The following CORO2B variants were observed in gnomAD, a reference collection of about 807,000 sequenced individuals.
CORO2B encodes the protein coronin 2B, also known as coronin-2B.
CORO2B carries 26 observed loss-of-function variants against 58.8 expected under a neutral mutation model. That is an observed-to-expected ratio of 0.44 (90% CI 0.32 to 0.61). The LOEUF (loss-of-function observed/expected upper bound fraction) is 0.61. Ranked by LOEUF, CORO2B falls within the 20% of genes least tolerant of loss-of-function variation. The pLI is 0.04. For synonymous variants in CORO2B, 242 were observed against 253.8 expected (o/e 0.95, Z 0.44); for missense variants, 460 against 645.1 (o/e 0.71, Z 3.11).
At chr15:68,568,692 AT>A in the CORO2B span, among the ~76,000 whole-genome samples, 1 of 152,234 alleles carries the variant, frequency 6.6e-6, no homozygotes, top group East Asian at 1.9e-4. Context: ...TTTTGCCCCC[AT>A]TTTTTAATAG....
At chr15:68,550,096 G>A in the CORO2B span, among the ~76,000 whole-genome samples, 1 of 152,214 alleles carries the variant, frequency 6.6e-6, no homozygotes, top group African/African-American at 2.4e-5. Context: ...CAAACCTGCG[G>A]AAGGTGGAAT....
intron 1 of CORO2B, among the ~76,000 whole-genome samples, chr15:68,585,416 C>T (rs888770000): frequency 6.6e-6 from 1 of 152,176 alleles, no homozygotes; most frequent in Admixed American, 6.5e-5. Context: ...CACGCATGAT[C>T]GCATTTACTC....
chr15:68,529,321 T>A, the CORO2B span, among the ~76,000 whole-genome samples: 1 of 152,226 alleles, frequency 6.6e-6, no homozygotes. Context: ...TTTTATTTGC[T>A]TATGTTCTTT....
At chr15:68,679,033 C>T (rs1902682333) in intron 2 of CORO2B, among the ~76,000 whole-genome samples, 1 of 152,226 alleles carries the variant, frequency 6.6e-6, no homozygotes, top group Non-Finnish European at 1.5e-5. Flanking sequence ...AGAGTGAGGG[C>T]CTTCCCAGAA....
chr15:68,621,804 TGGAG>T (rs1900528911), intron 1 of CORO2B, among the ~76,000 whole-genome samples: 5 of 150,648 alleles, frequency 3.3e-5, no homozygotes, highest in Admixed American at 6.6e-5. Flanking sequence ...TCTCCTAGGC[TGGAG>T]GACAGTGGTG....
At chr15:68,664,391 T>C (rs1348441994) in intron 2 of CORO2B, among the ~76,000 whole-genome samples, 1 of 152,192 alleles carries the variant, frequency 6.6e-6, no homozygotes, top group Non-Finnish European at 1.5e-5. Context: ...CTCACGCTTG[T>C]AATCCCAGCA....
At chr15:68,551,195 G>C in the CORO2B span, among the ~76,000 whole-genome samples, 2 of 152,036 alleles carry the variant, frequency 1.3e-5, no homozygotes, top group African/African-American at 4.8e-5. Flanking sequence ...AAACTAAGGT[G>C]TGATGGAGAG....
At chr15:68,554,194 G>A in the CORO2B span, among the ~76,000 whole-genome samples, 1 of 152,186 alleles carries the variant, frequency 6.6e-6, no homozygotes, top group Non-Finnish European at 1.5e-5. Flanking sequence ...GGCTTTGCCA[G>A]TAGGTGGCGC....
chr15:68,529,004 G>A, the CORO2B span, among the ~76,000 whole-genome samples: 4 of 152,166 alleles, frequency 2.6e-5, no homozygotes, highest in Non-Finnish European at 5.9e-5. Flanking sequence ...TGGAAACGGT[G>A]CAGACTAATC....
intron 2 of CORO2B, among the ~76,000 whole-genome samples, chr15:68,687,604 A>G (rs1002500697): frequency 2.6e-5 from 4 of 152,162 alleles, no homozygotes; most frequent in African/African-American, 7.2e-5. Flanking sequence ...TCAATTAACT[A>G]TATAATTTTA....
rs750820786 is a variant in CORO2B, at chr15:68,718,745, C to T, written c.1015C>T (p.Arg339Cys). The T allele has an allele frequency of 9.3e-6, 15 of 1,614,182 alleles. No individual in the cohort carries two copies. The highest frequency in any genetic ancestry group is 1.7e-4 in the Middle Eastern group (1 of 6,060). Reference sequence around the variant, plus strand: ...GGATGTGTCAGCCTGCGAGGTGTTCCGCTTCTACAAGCTGGTGACTCTCAA... The same window carrying T: ...GGATGTGTCAGCCTGCGAGGTGTTCTGCTTCTACAAGCTGGTGACTCTCAA... ...GLDVSACEVF[R>C]FYKLVTLKGL... Residue 339 changes from arginine to cysteine, a missense_variant, in exon 9 of 12, where the codon CGC (arginine) becomes TGC (cysteine). Coordinates refer to ENST00000261861, the MANE Select transcript of CORO2B (RefSeq NM_006091.5).
intron 1 of CORO2B, among the ~76,000 whole-genome samples, chr15:68,640,566 A>T (rs1263733436): frequency 6.6e-6 from 1 of 151,902 alleles, no homozygotes; most frequent in Non-Finnish European, 1.5e-5. Flanking sequence ...CAAAAGAGAG[A>T]TCACAACCAA....
At chr15:68,610,891 C>T (rs1900231625) in intron 1 of CORO2B, among the ~76,000 whole-genome samples, 1 of 152,184 alleles carries the variant, frequency 6.6e-6, no homozygotes, top group Admixed American at 6.5e-5. Context: ...TGAACTAACA[C>T]CCAGAACTGA....
At chr15:68,580,064 C>G (rs1304399233) in intron 1 of CORO2B, among the ~76,000 whole-genome samples, 2 of 152,248 alleles carry the variant, frequency 1.3e-5, no homozygotes, top group African/African-American at 4.8e-5. Flanking sequence ...AATCCCAGCT[C>G]TATCCCAGAT....
chr15:68,526,711 C>T, the CORO2B span, among the ~76,000 whole-genome samples: 2 of 152,106 alleles, frequency 1.3e-5, no homozygotes, highest in Non-Finnish European at 2.9e-5. Context: ...TTTTCCTTTA[C>T]TGAAGATGTT....
intron 1 of CORO2B, among the ~76,000 whole-genome samples, chr15:68,619,285 C>G (rs1333166356): frequency 6.6e-6 from 1 of 152,176 alleles, no homozygotes; most frequent in Non-Finnish European, 1.5e-5. Flanking sequence ...CCTCACTTTC[C>G]TTTAGCCTGA....
Position 68,710,936 on chromosome 15 carries a change from T to C in CORO2B, c.483+55T>C. On this transcript the variant is annotated intron_variant, in intron 4 of 11. Coordinates refer to ENST00000261861, the MANE Select transcript of CORO2B (RefSeq NM_006091.5). This position sits in a 1 kb window ranked among gnomAD's most constrained non-coding sequence, Gnocchi z 4.1. ...AGGGATTGGGGAAGAGAAAGGGGCC[T>C]TTTGGGTACCCGTAGGAAGCACTGT... 6.6e-7 allele frequency: 1 copy of C among 1,519,736 alleles called. No homozygotes were observed. The allele number at this position is 1,519,736 out of a possible 1,614,324, so 94.1% of individuals were successfully genotyped here. A position where few individuals can be genotyped will look rare whatever the true frequency, so the allele number is the denominator to read the frequency against.
chr15:68,618,274 C>A (rs1900420913), intron 1 of CORO2B, among the ~76,000 whole-genome samples: 2 of 152,136 alleles, frequency 1.3e-5, no homozygotes, highest in South Asian at 2.1e-4. Context: ...ATTTCATAAC[C>A]TACTAGTAGG....
chr15:68,571,869 CA>C, the CORO2B span, among the ~76,000 whole-genome samples: 1 of 152,170 alleles, frequency 6.6e-6, no homozygotes, highest in South Asian at 2.1e-4. Context: ...TATTTAGCCC[CA>C]AGGAGGTGGT....
Sources: allele counts gnomAD v4.1 joint callset (sites outside exome capture counted in the v4.1 genomes callset), GRCh38; gene constraint gnomAD v4.1.1; non-coding constraint Gnocchi (gnomAD v3.1); transcripts MANE v1.5; gene names NCBI Gene and HGNC (gene_info 2026-07-23, HGNC 2026-07-21).